The following ABCG8 variants were observed in gnomAD, a reference collection of about 807,000 sequenced individuals.
ABCG8 encodes the protein ATP-binding cassette sub-family G member 8.
Under a neutral mutation model 71.3 loss-of-function variants are expected in ABCG8, and 81 were observed. The observed-to-expected ratio is 1.14, with a 90% CI of 0.95 to 1.37. The LOEUF (loss-of-function observed/expected upper bound fraction) is 1.37. Among genes scored for constraint, ABCG8 ranks in the 40% most tolerant of loss-of-function variants. The probability of loss-of-function intolerance (pLI) is 0.00; values close to 1 mark genes in which losing one functional copy is unlikely to be tolerated. For synonymous variants in ABCG8, 451 were observed against 354.7 expected (o/e 1.27, Z -3.05); for missense variants, 1,119 against 866.2 (o/e 1.29, Z -3.66).
rs530037367 is a variant in ABCG8 at position 43,879,225 on chromosome 2, A to T, written c.*1312A>T. The T allele has an allele frequency of 2.0e-5, 3 of 152,290 alleles. No homozygotes were observed. Among genetic ancestry groups the T allele is most frequent in the Admixed American group, 6.5e-5 (1 of 15,278 alleles). The allele number at this position is 152,290 out of a possible 1,614,324, so 9.4% of individuals were successfully genotyped here. A position where few individuals can be genotyped will look rare whatever the true frequency, so the allele number is the denominator to read the frequency against. Reference sequence around the variant, plus strand: ...ACTTCTTGCCTGAGTGTTGGGGACTATCTGACCCAAAACAGGTGCACAGAG... The same window carrying T: ...ACTTCTTGCCTGAGTGTTGGGGACTTTCTGACCCAAAACAGGTGCACAGAG... On this transcript the variant is annotated 3_prime_UTR_variant, in exon 13 of 13. Transcript: ENST00000272286.
intron 3 of ABCG8, 120 bp from the exon 4 acceptor site, chr2:43,851,464 C>A: frequency 1.8e-6 from 2 of 1,114,726 alleles, no homozygotes; most frequent in Non-Finnish European, 2.7e-6. Context: ...TCTCTAGGGG[C>A]TGGTCACATC....
At chr2:43,852,113 G>C (rs548265455) in intron 4 of ABCG8, among the ~76,000 whole-genome samples, 1 of 152,330 alleles carries the variant, frequency 6.6e-6, no homozygotes, top group African/African-American at 2.4e-5. Flanking sequence ...GAGAGCCATG[G>C]TCCCCAATAC....
At chr2:43,869,470 A>C (rs1171090138) in intron 6 of ABCG8, among the ~76,000 whole-genome samples, 1 of 151,256 alleles carries the variant, frequency 6.6e-6, no homozygotes, top group East Asian at 2.0e-4. Flanking sequence ...TAGAATTCTC[A>C]CTCTTTGGAT....
At chr2:43,870,233 C>T (rs1188960394) in intron 6 of ABCG8, among the ~76,000 whole-genome samples, 2 of 152,070 alleles carry the variant, frequency 1.3e-5, no homozygotes, top group African/African-American at 4.8e-5. Flanking sequence ...ATAATCCTCA[C>T]TCTCTGGATA....
intron 6 of ABCG8, among the ~76,000 whole-genome samples, chr2:43,857,944 C>G (rs1249205313): frequency 6.6e-6 from 1 of 151,470 alleles, no homozygotes; most frequent in Admixed American, 6.6e-5. Flanking sequence ...CTCTCACTAT[C>G]TGGGTAGATT....
In ABCG8 at chr2:43,873,869, G is replaced by A. The variant is rs374361804; in HGVS notation, c.1294G>A (p.Gly432Ser). The A allele has an allele frequency of 1.5e-5, 24 of 1,613,736 alleles. No homozygotes were observed. Among genetic ancestry groups the A allele is most frequent in the Non-Finnish European group, 1.7e-5 (20 of 1,179,990 alleles). ...AEACLMSMTI[G>S]FLYFGHGSIQ... ...GGCCTGTCTGATGTCAATGACCATC[G>A]GCTTCCTCTATTTTGGCCATGGGAG... is the stretch of plus-strand genomic sequence containing the variant. Residue 432 changes from glycine (G) to serine (S), a missense_variant, in exon 9 of 13, where the codon GGC becomes AGC. By Grantham distance (56) the Gly-to-Ser change is moderately conservative. Coordinates refer to ENST00000272286, the MANE Select transcript of ABCG8 (RefSeq NM_022437.3).
At chr2:43,840,225 G>T (rs1272094703) in intron 1 of ABCG8, among the ~76,000 whole-genome samples, 1 of 152,190 alleles carries the variant, frequency 6.6e-6, no homozygotes, top group Non-Finnish European at 1.5e-5. Flanking sequence ...TCCAGGACTT[G>T]ACTCGGCCAG....
chr2:43,853,940 A>G (rs1233389573), intron 6 of ABCG8, among the ~76,000 whole-genome samples: 1 of 152,090 alleles, frequency 6.6e-6, no homozygotes, highest in Admixed American at 6.5e-5. Flanking sequence ...ACTCACAGAA[A>G]GGTCACCTCC....
At chr2:43,858,411 T>C (rs966971322) in intron 6 of ABCG8, among the ~76,000 whole-genome samples, 4 of 151,696 alleles carry the variant, frequency 2.6e-5, no homozygotes, top group African/African-American at 9.7e-5. Context: ...ACTATCTATC[T>C]GGATAGAATT....
chr2:43,867,345 A>AT (rs1360651243), intron 6 of ABCG8, among the ~76,000 whole-genome samples: 2 of 94,922 alleles, frequency 2.1e-5, no homozygotes, highest in Non-Finnish European at 4.2e-5. Flanking sequence ...TTAAAGTATA[A>AT]TTAAAAAAAA....
In ABCG8 at chr2:43,880,328, C is replaced by CT. The variant is rs1382883529; in HGVS notation, c.*2415_*2416insT. The CT allele has an allele frequency of 7.2e-6, 1 of 138,074 alleles. No homozygotes were observed. The allele number at this position is 138,074 out of a possible 1,614,324, so 8.6% of individuals were successfully genotyped here. ...AGTTGGGATTAACAGTGCCCACCAC[C>CT]ACACCTGGCTAATTTTTGTATTTTT... On this transcript the variant is annotated 3_prime_UTR_variant, in exon 13 of 13. Transcript: ENST00000272286.
At chr2:43,876,905 CTG>C (rs943389758) in intron 11 of ABCG8, among the ~76,000 whole-genome samples, 13 of 149,464 alleles carry the variant, frequency 8.7e-5, no homozygotes, top group Admixed American at 6.7e-4. Context: ...TATGGGGAGA[CTG>C]TGGGAATATG....
Position 43,877,909 on chromosome 2 carries a change from G to A in ABCG8, c.2018G>A (p.Trp673Ter). 2 of 1,614,142 alleles carry A rather than the reference G, an allele frequency of 1.2e-6. No homozygotes were observed. The highest frequency in any genetic ancestry group is 1.7e-6 in the Non-Finnish European group (2 of 1,180,022). ...ATCAAACAGAAACCAAGTCAAGACTGGTGATTCACGCCAGACGTCTGCCCG... is the reference window on the plus strand; with the variant it reads ...ATCAAACAGAAACCAAGTCAAGACTAGTGATTCACGCCAGACGTCTGCCCG... Reference protein sequence around the residue: ...RFIKQKPSQDW With the variant: ...RFIKQKPSQD The change falls in exon 13 of 13, where the codon TGG becomes TAG. Residue 673 changes from tryptophan (W) to a stop codon, truncating the protein, a stop_gained. Transcript: ENST00000272286. LOFTEE classifies it high-confidence loss of function.
intron 6 of ABCG8, among the ~76,000 whole-genome samples, chr2:43,860,245 G>C (rs1176943237): frequency 1.4e-5 from 2 of 146,936 alleles, no homozygotes; most frequent in Non-Finnish European, 3.0e-5. Flanking sequence ...GAATTCTCAT[G>C]ATCTGGATAG....
chr2:43,878,024 C>A lies in ABCG8; in HGVS notation c.*111C>A. On this transcript the variant is annotated 3_prime_UTR_variant, in exon 13 of 13. Transcript: ENST00000272286. ...AGTGAGGACAATGACCCTACAGATGCTCAGCTACATCCGGCCCAGGGTGCT... is the reference window on the plus strand; with the variant it reads ...AGTGAGGACAATGACCCTACAGATGATCAGCTACATCCGGCCCAGGGTGCT... 6.6e-7 allele frequency: 1 copy of A among 1,510,964 alleles called. No individual in the cohort carries two copies. The highest frequency in any genetic ancestry group is 9.1e-7 in the Non-Finnish European group (1 of 1,102,860). 93.6% of individuals were successfully genotyped at this position (1,510,964 alleles called of 1,614,324 possible).
At chr2:43,843,414 C>G (rs79733338) in intron 1 of ABCG8, among the ~76,000 whole-genome samples, 1 of 152,098 alleles carries the variant, frequency 6.6e-6, no homozygotes, top group East Asian at 1.9e-4. Flanking sequence ...GGAGGTCAGA[C>G]GAGGTGGTTC....
chr2:43,860,395 T>C (rs556291838), intron 6 of ABCG8, among the ~76,000 whole-genome samples: 8 of 150,384 alleles, frequency 5.3e-5, no homozygotes. Context: ...TCACTCTCTG[T>C]TTGGTACAGT....
rs1258642746 is a variant in ABCG8, at chr2:43,878,004, G to A, written c.*91G>A. The A allele has an allele frequency of 8.2e-6, 13 of 1,580,136 alleles. No individual in the cohort carries two copies. The African/African-American group carries it at 1.1e-4, about 13-fold the overall frequency. On this transcript the variant is annotated 3_prime_UTR_variant, in exon 13 of 13. Coordinates refer to ENST00000272286, the MANE Select transcript of ABCG8 (RefSeq NM_022437.3). ...AGGAGCCCCTTCCTGGGGACAGTGA[G>A]GACAATGACCCTACAGATGCTCAGC...
intron 4 of ABCG8, 81 bp downstream of exon 4, chr2:43,851,903 C>T: frequency 1.3e-6 from 2 of 1,484,418 alleles, no homozygotes; most frequent in Admixed American, 1.7e-5. Context: ...GCTGCCTTGC[C>T]TCAGGACCCA....
Sources: allele counts gnomAD v4.1 joint callset (sites outside exome capture counted in the v4.1 genomes callset), GRCh38; gene constraint gnomAD v4.1.1; transcripts MANE v1.5; gene names NCBI Gene and HGNC (gene_info 2026-07-23, HGNC 2026-07-21).